The following CCDC171 variants were observed in gnomAD, a reference collection of about 807,000 sequenced individuals.
CCDC171 encodes coiled-coil domain containing 171, also known as coiled-coil domain-containing protein 171.
A neutral mutation model predicts 168.2 loss-of-function variants in CCDC171; 177 were observed. The observed-to-expected ratio is 1.05, with a 90% CI of 0.93 to 1.19. CCDC171 has a LOEUF of 1.19. CCDC171 is among the 50% of genes most tolerant of loss of function. CCDC171 has a pLI of 0.00. For synonymous variants in CCDC171, 687 were observed against 540.8 expected, an observed-to-expected ratio of 1.27 and a Z score of -3.75; for missense variants, 1,991 against 1,539.0, an observed-to-expected ratio of 1.29 and a Z score of -4.91.
chr9:15,648,659 T>G (rs201543356), intron 7 of CCDC171, among the ~76,000 whole-genome samples: 4 of 151,950 alleles, frequency 2.6e-5, no homozygotes, highest in South Asian at 4.2e-4. Context: ...TTGCTACAAA[T>G]AGAATAAAAT....
Position 15,569,557 on chromosome 9 carries a change from T to G in CCDC171, c.42-2067T>G, listed in dbSNP as rs552256020. ...TCGGCCGGGCGCGGTGGCTCGCGCC[T>G]GTAATCCCAGCACTTTGGGAGGCCG... On this transcript the variant is annotated intron_variant, in intron 2 of 25. Coordinates refer to ENST00000380701, the MANE Select transcript of CCDC171 (RefSeq NM_173550.4). Among the ~76,000 whole-genome samples, 516 of 152,256 alleles carry G rather than the reference T, an allele frequency of 3.4e-3. 3 individuals are homozygous for G. The highest frequency in any genetic ancestry group is 0.012 in the African/African-American group (505 of 41,558).
chr9:15,795,812 C>G (rs1564423612), intron 21 of CCDC171, among the ~76,000 whole-genome samples: 1 of 152,182 alleles, frequency 6.6e-6, no homozygotes, highest in Non-Finnish European at 1.5e-5. Flanking sequence ...GAAACTGGAA[C>G]CTAGGCCTGT....
chr9:15,599,203 G>C (rs1450813401), intron 6 of CCDC171, among the ~76,000 whole-genome samples: 1 of 152,100 alleles, frequency 6.6e-6, no homozygotes, highest in Non-Finnish European at 1.5e-5. Flanking sequence ...AATATTAGCT[G>C]GTTATTTTGC....
intron 2 of CCDC171, among the ~76,000 whole-genome samples, chr9:15,570,805 A>G (rs1244422431): frequency 6.6e-6 from 1 of 152,158 alleles, no homozygotes; most frequent in Admixed American, 6.5e-5. Flanking sequence ...CTTTTAACTC[A>G]AGCTTCTTGT....
At chr9:15,669,168 C>G (rs574915935) in intron 9 of CCDC171, among the ~76,000 whole-genome samples, 84 of 152,226 alleles carry the variant, frequency 5.5e-4, no homozygotes, top group African/African-American at 2.0e-3. Context: ...TCCATAGTTT[C>G]ATAACAGTAG....
chr9:15,831,644 A>G (rs1373429565), intron 21 of CCDC171, among the ~76,000 whole-genome samples: 1 of 152,166 alleles, frequency 6.6e-6, no homozygotes, highest in East Asian at 1.9e-4. Context: ...CCCGCATACC[A>G]TTTGTTCCAG....
intron 18 of CCDC171, among the ~76,000 whole-genome samples, chr9:15,768,548 G>T (rs148294373): frequency 2.6e-5 from 4 of 152,214 alleles, no homozygotes; most frequent in African/African-American, 9.6e-5. Flanking sequence ...TTGGACGAGA[G>T]TTATTGAAAT....
At chr9:15,639,968 G>A (rs1587659941) in intron 7 of CCDC171, among the ~76,000 whole-genome samples, 2 of 152,274 alleles carry the variant, frequency 1.3e-5, no homozygotes, top group East Asian at 3.9e-4. Flanking sequence ...AATGCTTATA[G>A]ATGTGTCAGG....
intron 6 of CCDC171, among the ~76,000 whole-genome samples, chr9:16,027,485 C>T (rs7873925): frequency 0.38 from 58,303 of 152,054 alleles, 13,272 homozygotes; most frequent in East Asian, 0.73. Flanking sequence ...TTATATTCAC[C>T]TGATGCAAAC....
At chr9:15,901,869 T>A (rs1418488084) in intron 24 of CCDC171, among the ~76,000 whole-genome samples, 2 of 152,208 alleles carry the variant, frequency 1.3e-5, no homozygotes, top group Non-Finnish European at 2.9e-5. Flanking sequence ...TATATTAAAT[T>A]ATTTTACATA....
chr9:16,105,318 A>T, the CCDC171 span, among the ~76,000 whole-genome samples: 1 of 152,146 alleles, frequency 6.6e-6, no homozygotes, highest in Non-Finnish European at 1.5e-5. Context: ...GGTACCTAGG[A>T]CGCTGGCACT....
intron 10 of CCDC171, among the ~76,000 whole-genome samples, chr9:15,686,207 G>T (rs906443824): frequency 6.6e-6 from 1 of 152,082 alleles, no homozygotes; most frequent in Non-Finnish European, 1.5e-5. Flanking sequence ...TTTATACCTT[G>T]ATATTAATGG....
chr9:15,842,444 A>G (rs1035879284), intron 21 of CCDC171, among the ~76,000 whole-genome samples: 1 of 152,066 alleles, frequency 6.6e-6, no homozygotes, highest in African/African-American at 2.4e-5. Context: ...CAATTCAGGG[A>G]ATTCATTCAT....
At chr9:15,554,239 C>T (rs1235682090) in intron 1 of CCDC171, among the ~76,000 whole-genome samples, 3 of 152,170 alleles carry the variant, frequency 2.0e-5, no homozygotes, top group African/African-American at 7.2e-5. Flanking sequence ...CCAGGATGGT[C>T]TCGATCTCCT....
At chr9:15,759,545 G>GA (rs996031698) in intron 18 of CCDC171, among the ~76,000 whole-genome samples, 1 of 152,106 alleles carries the variant, frequency 6.6e-6, no homozygotes, top group Non-Finnish European at 1.5e-5. Flanking sequence ...ATTTAGTCAT[G>GA]TTTTTTTAGT....
At chr9:15,904,838 A>G (rs1013916599) in intron 24 of CCDC171, among the ~76,000 whole-genome samples, 1 of 151,958 alleles carries the variant, frequency 6.6e-6, no homozygotes, top group South Asian at 2.1e-4. Flanking sequence ...TCTACCAAGC[A>G]AATGGAAAAC....
At position 15,745,646 on chromosome 9, in the gene CCDC171, T is replaced by G; in HGVS notation, c.2671+15T>G. On this transcript the variant is annotated intron_variant, in intron 18 of 25. Transcript: ENST00000380701. ...TGGTAAAGCAGGTATGGTTCCTTCT[T>G]TTATGTCCTTGCAAAATACATTTAA... 6.9e-7 allele frequency: 1 copy of G among 1,455,838 alleles called. No homozygotes were observed. The highest frequency in any genetic ancestry group is 1.3e-5 in the South Asian group (1 of 78,204). The allele number at this position is 1,455,838 out of a possible 1,614,324, so 90.2% of individuals were successfully genotyped here. A position where few individuals can be genotyped will look rare whatever the true frequency, so the allele number is the denominator to read the frequency against.
At chr9:15,678,971 A>G in intron 10 of CCDC171, 75 bp downstream of exon 10, 1 of 1,108,096 alleles carries the variant, frequency 9.0e-7, no homozygotes, top group Non-Finnish European at 1.3e-6. Context: ...GTTTTTCCTC[A>G]CCACATTCCA....
intron 7 of CCDC171, among the ~76,000 whole-genome samples, chr9:15,648,177 G>A (rs1002746037): frequency 9.9e-5 from 15 of 152,226 alleles, no homozygotes; most frequent in African/African-American, 3.6e-4. Flanking sequence ...TGCAGAAAAG[G>A]CCTTTGGCAA....
Sources: gnomAD v4.1 joint callset for allele counts (sites outside exome capture counted in the v4.1 genomes callset) on GRCh38, gnomAD v4.1.1 for gene constraint, MANE v1.5 for transcripts, NCBI Gene and HGNC (gene_info 2026-07-23, HGNC 2026-07-21) for gene names.